The following OSMR variants were observed in gnomAD, a reference collection of about 807,000 sequenced individuals.
OSMR encodes the protein oncostatin M receptor, also known as oncostatin-M-specific receptor subunit beta.
Under a neutral mutation model 99.9 loss-of-function variants are expected in OSMR, and 81 were observed. The observed-to-expected ratio is 0.81, with a 90% CI of 0.68 to 0.97. OSMR has a LOEUF of 0.97. Ranked by LOEUF, OSMR falls within the 50% of genes least tolerant of loss-of-function variation. The probability of loss-of-function intolerance (pLI) is 0.00; values close to 1 mark genes in which losing one functional copy is unlikely to be tolerated. For missense variants in OSMR, 1,099 were observed against 1,153.4 expected (o/e 0.95, Z 0.68); for synonymous variants, 406 against 410.4 (o/e 0.99, Z 0.13).
chr5:38,919,465 G>C, intron 11 of OSMR: 1 of 682,232 alleles, frequency 1.5e-6, no homozygotes, highest in Non-Finnish European at 2.1e-6. Context: ...CCTGGAAAGA[G>C]TCCATGAACA....
intron 9 of OSMR, among the ~76,000 whole-genome samples, chr5:38,912,870 T>C (rs62352637): frequency 0.067 from 10,261 of 152,176 alleles, 398 homozygotes; most frequent in African/African-American, 0.093. Flanking sequence ...GCTGGCTAGC[T>C]ATGTGTGGAA....
intron 1 of OSMR, among the ~76,000 whole-genome samples, chr5:38,856,482 A>G (rs933825632): frequency 6.6e-6 from 1 of 152,202 alleles, no homozygotes; most frequent in Admixed American, 6.5e-5. Flanking sequence ...GCTCATGTGT[A>G]GGCAGTGACT....
At chr5:38,876,009 G>C (rs1162284123) in intron 2 of OSMR, 192 bp from the exon 3 acceptor site, 1 of 255,184 alleles carries the variant, frequency 3.9e-6, no homozygotes, top group East Asian at 1.8e-4. Flanking sequence ...CATTCATCTA[G>C]ATCTTAATTT....
rs1242975035 is a variant in OSMR at position 38,886,128 on chromosome 5, T to A, written c.929T>A (p.Leu310His). 2 of 1,614,006 alleles carry A rather than the reference T, an allele frequency of 1.2e-6. No individual in the cohort carries two copies. Among genetic ancestry groups the A allele is most frequent in the Admixed American group, 1.7e-5 (1 of 60,008 alleles). ...QDSQETYNFTLIAENYLRKRS... is the reference protein window; with the variant it reads ...QDSQETYNFTHIAENYLRKRS... ...TCACAAGAAACCTATAACTTCACAC[T>A]CATAGCTGAAAATTACTTAAGGAAG... is the stretch of plus-strand genomic sequence containing the variant. Residue 310 changes from leucine (L) to histidine (H), a missense_variant, in exon 7 of 18, where the codon CTC (leucine) becomes CAC (histidine). Coordinates refer to ENST00000274276, the MANE Select transcript of OSMR (RefSeq NM_003999.3).
chr5:38,902,684 C>T (rs1579746814), intron 7 of OSMR, among the ~76,000 whole-genome samples: 1 of 152,312 alleles, frequency 6.6e-6, no homozygotes, highest in African/African-American at 2.4e-5. Context: ...ACAGACCAAC[C>T]AGGTTGCTTG....
downstream of OSMR, chr5:38,945,282 A>T: frequency 6.6e-6 from 4 of 608,310 alleles, no homozygotes; most frequent in East Asian, 1.1e-4. Flanking sequence ...AAAAGACCTA[A>T]TCCAGGGATC....
intron 1 of OSMR, among the ~76,000 whole-genome samples, chr5:38,856,235 T>C (rs1168919282): frequency 1.3e-5 from 2 of 152,236 alleles, no homozygotes; most frequent in Admixed American, 1.3e-4. Flanking sequence ...GCATCAGCCA[T>C]GAGGAAGCCT....
intron 7 of OSMR, among the ~76,000 whole-genome samples, chr5:38,897,421 A>G (rs1028929887): frequency 1.3e-5 from 2 of 152,102 alleles, no homozygotes; most frequent in Non-Finnish European, 2.9e-5. Flanking sequence ...TAGATTTTCC[A>G]ATTTATTGCC....
chr5:38,904,000 C>T lies in OSMR; in HGVS notation c.1110C>T (p.Leu370=), dbSNP rs1157352309. 6.2e-7 allele frequency: 1 copy of T among 1,613,890 alleles called. No homozygotes were observed. The highest frequency in any genetic ancestry group is 1.3e-5 in the African/African-American group (1 of 74,886). ...NNFTYLCQIE[L]HGEGKMMQYN... is the part of the protein sequence containing the mutation. ...TCACATATTTGTGTCAGATTGAACT[C>T]CATGGTGAAGGAAAAATGATGCAAG... The change falls in exon 8 of 18, where the codon CTC becomes CTT. Residue 370 remains leucine (L), a synonymous_variant. Coordinates refer to ENST00000274276, the MANE Select transcript of OSMR (RefSeq NM_003999.3).
rs11739921 is a variant in OSMR, at chr5:38,849,559, T to C, written c.-14+3172T>C. 7.4e-3 allele frequency among the ~76,000 whole-genome samples: 1,122 copies of C among 152,272 alleles called. 8 individuals are homozygous for C. The highest frequency in any genetic ancestry group is 0.015 in the South Asian group (73 of 4,824). On this transcript the variant is annotated intron_variant, in intron 1 of 17. Coordinates refer to ENST00000274276, the MANE Select transcript of OSMR (RefSeq NM_003999.3). The stretch of plus-strand genomic sequence containing the variant: ...TCTTGTGGTATATATTTGTGCTTTT[T>C]AAAACAACTTTTTTTATAAATCACA...
intron 7 of OSMR, among the ~76,000 whole-genome samples, chr5:38,900,279 G>A (rs536155714): frequency 1.3e-4 from 20 of 152,212 alleles, no homozygotes; most frequent in African/African-American, 4.8e-4. Context: ...CATGACACAG[G>A]GCTGCTGCCA....
At chr5:38,904,048 A>G in intron 8 of OSMR, 24 bp downstream of exon 8, 1 of 1,612,140 alleles carries the variant, frequency 6.2e-7, no homozygotes, top group Non-Finnish European at 8.5e-7. Context: ...TTAATTTTCT[A>G]TTTTCAAAAA....
downstream of OSMR, chr5:38,940,148 A>C (rs1333436932): frequency 8.7e-6 from 2 of 228,904 alleles, no homozygotes; most frequent in African/African-American, 2.2e-5. Context: ...AAAAACAAAA[A>C]AAAAAACACA....
chr5:38,846,946 A>T (rs1001477468), intron 1 of OSMR, among the ~76,000 whole-genome samples: 1 of 151,988 alleles, frequency 6.6e-6, no homozygotes, highest in Non-Finnish European at 1.5e-5. Flanking sequence ...CCCTTCATCC[A>T]CCTACCCATG....
At chr5:38,922,223 A>G (rs917588984) in intron 12 of OSMR, among the ~76,000 whole-genome samples, 1 of 151,872 alleles carries the variant, frequency 6.6e-6, no homozygotes, top group African/African-American at 2.4e-5. Context: ...CCCACATTGG[A>G]TTTGTAATGT....
At chr5:38,883,601 G>A (rs575977489) in intron 4 of OSMR, 1 of 571,704 alleles carries the variant, frequency 1.7e-6, no homozygotes, top group East Asian at 1.4e-4. Context: ...GCTGTCTGTG[G>A]CAGTAAGAGC....
intron 9 of OSMR, among the ~76,000 whole-genome samples, chr5:38,911,656 A>G (rs1461060542): frequency 6.6e-6 from 1 of 152,178 alleles, no homozygotes; most frequent in Non-Finnish European, 1.5e-5. Flanking sequence ...AGATGCAAAA[A>G]TCCTCAACAA....
chr5:38,879,435 G>T (rs1743089106), intron 3 of OSMR, among the ~76,000 whole-genome samples: 1 of 152,214 alleles, frequency 6.6e-6, no homozygotes, highest in Non-Finnish European at 1.5e-5. Context: ...CAAGGGATGT[G>T]TGGCCGCTAG....
chr5:38,932,719 T>C, intron 17 of OSMR, 153 bp from the exon 18 acceptor site: 1 of 985,436 alleles, frequency 1.0e-6, no homozygotes. Context: ...GGGAAATCTT[T>C]TGGTTTTCAA....
Sources: gnomAD v4.1 joint callset for allele counts (sites outside exome capture counted in the v4.1 genomes callset) on GRCh38, gnomAD v4.1.1 for gene constraint, MANE v1.5 for transcripts, NCBI Gene and HGNC (gene_info 2026-07-23, HGNC 2026-07-21) for gene names.